The following MARCHF6 variants were observed in gnomAD, a reference collection of about 807,000 sequenced individuals.
MARCHF6 encodes the protein membrane associated ring-CH-type finger 6.
Under a neutral mutation model 133.7 loss-of-function variants are expected in MARCHF6, and 31 were observed. The ratio of observed to expected loss-of-function variants is 0.23; its 90% confidence interval spans 0.17 to 0.31. MARCHF6 has a LOEUF of 0.31. MARCHF6 is among the 10% of genes least tolerant of loss of function. MARCHF6 has a pLI of 1.00. For synonymous variants in MARCHF6, 395 were observed against 402.5 expected (o/e 0.98, Z 0.22); for missense variants, 723 against 1,121.6 (o/e 0.64, Z 5.08).
In MARCHF6 at chr5:10,418,639, A is replaced by G. The variant is rs1037149508; in HGVS notation, c.2283+1235A>G. The stretch of plus-strand genomic sequence containing the variant: ...GCAATGGATTTTTCAGAAAATGAAA[A>G]TTATTTGGCCCGTATTTCCCTTTTT... On this transcript the variant is annotated intron_variant, in intron 22 of 25. Coordinates refer to ENST00000274140, the MANE Select transcript of MARCHF6 (RefSeq NM_005885.4). 2.0e-5 allele frequency among the ~76,000 whole-genome samples: 3 copies of G among 152,178 alleles called. No individual in the cohort carries two copies. In the South Asian group the frequency reaches 6.2e-4, roughly 31 times the overall value.
intron 1 of MARCHF6, among the ~76,000 whole-genome samples, chr5:10,354,972 AT>A (rs1735359194): frequency 6.6e-6 from 1 of 152,202 alleles, no homozygotes; most frequent in African/African-American, 2.4e-5. Flanking sequence ...CCTTTAATAA[AT>A]ACCTCAACTA....
At chr5:10,379,750 C>T (rs1453937831) in intron 3 of MARCHF6, among the ~76,000 whole-genome samples, 4 of 151,928 alleles carry the variant, frequency 2.6e-5, no homozygotes, top group African/African-American at 9.7e-5. Flanking sequence ...CGTGAGCCAC[C>T]GCGCCCAGCA....
chr5:10,372,523 T>A (rs1736532859), intron 1 of MARCHF6, among the ~76,000 whole-genome samples: 1 of 43,422 alleles, frequency 2.3e-5, no homozygotes, highest in Non-Finnish European at 7.6e-5. Flanking sequence ...CCCTTTAGGA[T>A]TATTTTTTTT....
At chr5:10,417,704 A>G (rs1283395685) in intron 22 of MARCHF6, among the ~76,000 whole-genome samples, 1 of 147,436 alleles carries the variant, frequency 6.8e-6, no homozygotes, top group Non-Finnish European at 1.5e-5. Context: ...GCAACAGAGT[A>G]AGAGCCTCTG....
rs1275592147 is a variant in MARCHF6, at chr5:10,410,212, G to A, written c.1627G>A (p.Gly543Arg). The A allele has an allele frequency of 1.2e-6, 2 of 1,613,772 alleles. No individual in the cohort carries two copies. The highest frequency in any genetic ancestry group is 8.5e-7 in the Non-Finnish European group (1 of 1,180,010). Residue 543 changes from glycine to arginine, a missense_variant, in exon 18 of 26, where the codon GGA (glycine) becomes AGA (arginine). Coordinates refer to ENST00000274140, the MANE Select transcript of MARCHF6 (RefSeq NM_005885.4). ...QVVLPALLEQ[G>R]HTRQWLKGLV... ...TGTCTTGCCAGCATTACTCGAACAGGGACACACGAGGCAGTGGCTGAAGGG... is the reference window on the plus strand; with the variant it reads ...TGTCTTGCCAGCATTACTCGAACAGAGACACACGAGGCAGTGGCTGAAGGG...
rs541035325 is a variant in MARCHF6, at chr5:10,399,306, C to T, written c.914-1478C>T. On this transcript the variant is annotated intron_variant, in intron 10 of 25. Transcript: ENST00000274140. ...CACACAATATGTTAGTAAACTAATA[C>T]GTATATATAATTTATAAATAAATTT... 4.4e-3 allele frequency among the ~76,000 whole-genome samples: 660 copies of T among 151,694 alleles called. 6 individuals carry two copies. The highest frequency in any genetic ancestry group is 7.1e-3 in the Non-Finnish European group (484 of 67,894).
In MARCHF6 at chr5:10,390,493, A is replaced by T; in HGVS notation, c.569A>T (p.Gln190Leu). The T allele has an allele frequency of 6.2e-7, 1 of 1,612,648 alleles. No individual in the cohort carries two copies. Residue 190 changes from glutamine to leucine, a missense_variant, in exon 6 of 26, where the codon CAA becomes CTA. By Grantham distance (113) the Gln-to-Leu change is moderately radical (BLOSUM62 -2). Transcript: ENST00000274140. ...APPFNAAGHHQNEAPAGGNGA... is the reference protein window; with the variant it reads ...APPFNAAGHHLNEAPAGGNGA... Reference sequence around the variant, plus strand: ...CCGTTCAATGCTGCGGGGCATCACCAAAATGAGGTAACTCCCCTACCCCAA... The same window carrying T: ...CCGTTCAATGCTGCGGGGCATCACCTAAATGAGGTAACTCCCCTACCCCAA...
At chr5:10,396,135 C>G (rs1466907360) in intron 9 of MARCHF6, among the ~76,000 whole-genome samples, 1 of 152,138 alleles carries the variant, frequency 6.6e-6, no homozygotes, top group East Asian at 1.9e-4. Context: ...AGCTATTGTG[C>G]TAGGCACTGG....
At chr5:10,354,108 C>G in intron 1 of MARCHF6, 191 bp downstream of exon 1, 1 of 418,706 alleles carries the variant, frequency 2.4e-6, no homozygotes, top group Non-Finnish European at 3.9e-6. Context: ...CGTTTCCCGC[C>G]CGCGCCGCCG....
rs1306358459 is a variant in MARCHF6, at chr5:10,436,544, G to T, written c.*2860G>T. 1 of 151,946 alleles carries T rather than the reference G, an allele frequency of 6.6e-6. No homozygotes were observed. Among genetic ancestry groups the T allele is most frequent in the Non-Finnish European group, 1.5e-5 (1 of 68,008 alleles). 9.4% of individuals were successfully genotyped at this position (151,946 alleles called of 1,614,324 possible). On this transcript the variant is annotated 3_prime_UTR_variant, in exon 26 of 26. Coordinates refer to ENST00000274140, the MANE Select transcript of MARCHF6 (RefSeq NM_005885.4). ...TTGGGTTAAAACAACCTTCAAGAAG[G>T]TTAACTAGGAAAGAAGACCTTTTTG...
At chr5:10,419,848 T>C (rs1476646266) in intron 22 of MARCHF6, among the ~76,000 whole-genome samples, 1 of 152,210 alleles carries the variant, frequency 6.6e-6, no homozygotes, top group Non-Finnish European at 1.5e-5. Context: ...CCATAGAGTC[T>C]GTGGGTCAGA....
intron 19 of MARCHF6, 134 bp from the exon 20 acceptor site, chr5:10,414,299 A>G (rs1206811469): frequency 7.3e-6 from 4 of 549,926 alleles, no homozygotes; most frequent in Non-Finnish European, 1.3e-5. Context: ...TAAAAATTTT[A>G]TGTGAAATTG....
chr5:10,372,837 C>T (rs532091581), intron 1 of MARCHF6, among the ~76,000 whole-genome samples: 81 of 152,212 alleles, frequency 5.3e-4, no homozygotes, highest in Non-Finnish European at 1.1e-3. Flanking sequence ...TAGCTGCATT[C>T]ATTCTATTAT....
In MARCHF6 at chr5:10,353,918, G is replaced by T; in HGVS notation, c.19+1G>T. On this transcript the variant is annotated splice_donor_variant, in intron 1 of 25. Transcript: ENST00000274140. LOFTEE classifies it high-confidence loss of function. ...GACAAGATGGACACCGCGGAGGAAG[G>T]TAAGTCGGCGACGCGCGGCGCCCGA... 1 of 1,559,720 alleles carries T rather than the reference G, an allele frequency of 6.4e-7. No homozygotes were observed. Among genetic ancestry groups the T allele is most frequent in the East Asian group, 2.4e-5 (1 of 41,386 alleles).
chr5:10,430,014 T>C lies in MARCHF6; in HGVS notation c.2628T>C (p.His876=). Residue 876 remains histidine, a synonymous_variant, in exon 25 of 26, where the codon CAT becomes CAC. Transcript: ENST00000274140. ...GCCAGTTTAAGCGCCTTTATGAACA[T>C]ATTAAAAATGACAAGTAAGTCTGGC... ...QVRQFKRLYE[H]IKNDKYLVGQ... 2 of 1,609,692 alleles carry C rather than the reference T, an allele frequency of 1.2e-6. No individual in the cohort carries two copies. The highest frequency in any genetic ancestry group is 2.2e-5 in the South Asian group (2 of 90,800).
intron 24 of MARCHF6, among the ~76,000 whole-genome samples, chr5:10,428,480 T>C (rs1464143801): frequency 6.6e-6 from 1 of 151,982 alleles, no homozygotes; most frequent in Non-Finnish European, 1.5e-5. Flanking sequence ...TAGCTGGGAC[T>C]ACTGGCATGC....
chr5:10,378,933 C>G (rs530156353), intron 3 of MARCHF6, 101 bp downstream of exon 3: 5 of 660,338 alleles, frequency 7.6e-6, no homozygotes, highest in Non-Finnish European at 1.3e-5. Flanking sequence ...GATAAAAGTG[C>G]TTAAGCACTT....
rs1259109465 is a variant in MARCHF6 at position 10,435,714 on chromosome 5, T to TA, written c.*2030_*2031insA. The TA allele has an allele frequency of 1.3e-5, 1 of 74,896 alleles. No homozygotes were observed. Among genetic ancestry groups the TA allele is most frequent in the African/African-American group, 5.4e-5 (1 of 18,606 alleles). 4.6% of individuals were successfully genotyped at this position (74,896 alleles called of 1,614,324 possible). A position where few individuals can be genotyped will look rare whatever the true frequency, so the allele number is the denominator to read the frequency against. On this transcript the variant is annotated 3_prime_UTR_variant, in exon 26 of 26. Transcript: ENST00000274140. ...ATATATATATTTTTTTTTTTTTTTT[T>TA]TTTTTTTTTTTTTTGCCCCCGAGAC...
At chr5:10,399,244 T>G in intron 10 of MARCHF6, among the ~76,000 whole-genome samples, 1 of 152,162 alleles carries the variant, frequency 6.6e-6, no homozygotes, top group Non-Finnish European at 1.5e-5. Context: ...ATACAGTTTT[T>G]TTCCTTACCT....
Sources: gnomAD v4.1 joint callset for allele counts (sites outside exome capture counted in the v4.1 genomes callset) on GRCh38, gnomAD v4.1.1 for gene constraint, MANE v1.5 for transcripts, NCBI Gene and HGNC (gene_info 2026-07-23, HGNC 2026-07-21) for gene names.